The following ROS1 variants were observed in gnomAD, a reference collection of about 807,000 sequenced individuals.
ROS1 encodes the protein ROS proto-oncogene 1, receptor tyrosine kinase.
Under a neutral mutation model 273.5 loss-of-function variants are expected in ROS1, and 263 were observed. The ratio of observed to expected loss-of-function variants is 0.96; its 90% CI spans 0.87 to 1.06. The LOEUF is 1.06. Among genes scored for constraint, ROS1 ranks in the 50% least tolerant of loss-of-function variants. The pLI is 0.00. For synonymous variants in ROS1, 1,008 were observed against 954.1 expected, an observed-to-expected ratio of 1.06 and a Z score of -1.04; for missense variants, 2,833 against 2,751.1, an observed-to-expected ratio of 1.03 and a Z score of -0.67.
At chr6:117,291,133 C>T (rs930962079) in intron 43 of ROS1, among the ~76,000 whole-genome samples, 1 of 152,062 alleles carries the variant, frequency 6.6e-6, no homozygotes, top group Non-Finnish European at 1.5e-5. Context: ...TAGTGATTTC[C>T]ACATCTCTTT....
Position 117,387,807 on chromosome 6 carries a change from G to T in ROS1, c.1972C>A (p.Pro658Thr), listed in dbSNP as rs1234660715. ...SPKRPGPWSE[P>T]SVGTTLVPAS... ...GGCACCAGGGTAGTACCCACTGAGG[G>T]CTCTGACCAGGGGCCTGGCCTCTTT... Residue 658 changes from proline (P) to threonine (T), a missense_variant, in exon 14 of 44, where the codon CCC becomes ACC. By Grantham distance (38) the Pro-to-Thr change is conservative (BLOSUM62 -1). Transcript: ENST00000368507. 6.2e-7 allele frequency: 1 copy of T among 1,614,098 alleles called. No individual in the cohort carries two copies.
chr6:117,343,975 T>C (rs777876819), intron 28 of ROS1, 85 bp downstream of exon 28: 21 of 1,161,262 alleles, frequency 1.8e-5, no homozygotes, highest in Admixed American at 5.9e-5. Context: ...TCAGAACATA[T>C]AGGAAATACT....
chr6:117,389,017 A>C (rs112330459), intron 13 of ROS1, among the ~76,000 whole-genome samples: 86 of 152,298 alleles, frequency 5.6e-4, no homozygotes, highest in African/African-American at 1.8e-3. Context: ...AATTCATGCA[A>C]GCTTTCAACA....
Position 117,326,423 on chromosome 6 carries a change from A to T in ROS1, c.5349-9T>A, listed in dbSNP as rs934701266. 4 of 1,467,546 alleles carry T rather than the reference A, an allele frequency of 2.7e-6. No homozygotes were observed. Among genetic ancestry groups the T allele is most frequent in the Non-Finnish European group, 3.7e-6 (4 of 1,090,224 alleles). 90.9% of individuals were successfully genotyped at this position (1,467,546 alleles called of 1,614,324 possible). A position where few individuals can be genotyped will look rare whatever the true frequency, so the allele number is the denominator to read the frequency against. ...TATTTGAAGTGCTCTTTCTGCAAAA[A>T]ATAATAAATACAGAAAATATACATG... On this transcript the variant is annotated splice_polypyrimidine_tract_variant and intron_variant, in intron 33 of 43. Transcript: ENST00000368507.
At chr6:117,300,517 C>T (rs1212731510) in intron 43 of ROS1, among the ~76,000 whole-genome samples, 1 of 151,898 alleles carries the variant, frequency 6.6e-6, no homozygotes, top group Admixed American at 6.6e-5. Context: ...GAATAGTTGC[C>T]TGACAGGGAG....
intron 33 of ROS1, among the ~76,000 whole-genome samples, chr6:117,327,321 GA>G (rs1776711290): frequency 6.6e-6 from 1 of 152,140 alleles, no homozygotes; most frequent in Non-Finnish European, 1.5e-5. Flanking sequence ...TCCCTTTAAG[GA>G]CCATCCTGAG....
At chr6:117,320,130 T>C in intron 36 of ROS1, 100 bp from the exon 37 acceptor site, 1 of 1,025,382 alleles carries the variant, frequency 9.8e-7, no homozygotes, top group Non-Finnish European at 1.4e-6. Flanking sequence ...GAAAGAAATA[T>C]CTCATGGCTT....
At chr6:117,327,546 C>T (rs1242609454) in intron 33 of ROS1, among the ~76,000 whole-genome samples, 2 of 152,140 alleles carry the variant, frequency 1.3e-5, no homozygotes, top group Admixed American at 6.5e-5. Context: ...TGGGGCTTTA[C>T]ATAACGTTGT....
At chr6:117,311,683 G>A (rs1055986471) in intron 39 of ROS1, among the ~76,000 whole-genome samples, 1 of 152,048 alleles carries the variant, frequency 6.6e-6, no homozygotes, top group African/African-American at 2.4e-5. Flanking sequence ...CGAGCCCCAT[G>A]CAAATTGTTA....
chr6:117,402,181 G>A (rs1439887579), intron 7 of ROS1, among the ~76,000 whole-genome samples: 1 of 152,084 alleles, frequency 6.6e-6, no homozygotes, highest in Non-Finnish European at 1.5e-5. Flanking sequence ...ACTGGGTCTG[G>A]CCCCCATCTC....
chr6:117,309,346 C>T (rs1775360211), intron 41 of ROS1, among the ~76,000 whole-genome samples: 1 of 152,142 alleles, frequency 6.6e-6, no homozygotes, highest in Non-Finnish European at 1.5e-5. Flanking sequence ...CTCTCCCTGA[C>T]TGAATCCCCA....
At chr6:117,300,086 C>CTTTTTTTTTTTTTTTT (rs10700318) in intron 43 of ROS1, among the ~76,000 whole-genome samples, 7 of 31,836 alleles carry the variant, frequency 2.2e-4, no homozygotes, top group Non-Finnish European at 3.7e-4. Context: ...CCAGGACAGG[C>CTTTTTTTTTTTTTTTT]TTTTTTTTTT....
intron 35 of ROS1, among the ~76,000 whole-genome samples, chr6:117,323,400 G>T (rs1303352024): frequency 6.6e-6 from 1 of 152,052 alleles, no homozygotes; most frequent in Non-Finnish European, 1.5e-5. Flanking sequence ...ACTTTCCCTT[G>T]TAACTTACCC....
Position 117,425,788 on chromosome 6 carries a change from G to A in ROS1, c.-132C>T, listed in dbSNP as rs535465585. On this transcript the variant is annotated 5_prime_UTR_variant, in exon 1 of 44. Coordinates refer to ENST00000368507, the MANE Select transcript of ROS1 (RefSeq NM_001378902.1). ...TTGCTTTGTTTGTTTTGCTATATTA[G>A]GATATACTTGCCTTTTGAAATAATA... The A allele has an allele frequency of 4.0e-5, 36 of 909,204 alleles. No homozygotes were observed. The African/African-American group carries it at 6.1e-4, about 15-fold the overall frequency. The allele number at this position is 909,204 out of a possible 1,614,324, so 56.3% of individuals were successfully genotyped here. A position where few individuals can be genotyped will look rare whatever the true frequency, so the allele number is the denominator to read the frequency against.
Position 117,393,228 on chromosome 6 carries a change from T to C in ROS1, c.1285A>G (p.Asn429Asp). ...CTTTACAAGGCTAACACATACCCAT[T>C]GTATGAATCAGCCACAATTTTTTGA... ...APQKIVADSY[N>D]GYVFYLLRDG... The change falls in exon 12 of 44, where the codon AAT (asparagine) becomes GAT (aspartate). Residue 429 changes from asparagine to aspartate, a missense_variant. Asn to Asp is a conservative substitution (Grantham distance 23, BLOSUM62 1). Coordinates refer to ENST00000368507, the MANE Select transcript of ROS1 (RefSeq NM_001378902.1). The C allele has an allele frequency of 6.4e-7, 1 of 1,554,816 alleles. No individual in the cohort carries two copies. Among genetic ancestry groups the C allele is most frequent in the Middle Eastern group, 1.7e-4 (1 of 5,942 alleles).
chr6:117,407,296 G>A (rs1253817413), intron 5 of ROS1, among the ~76,000 whole-genome samples: 2 of 152,056 alleles, frequency 1.3e-5, no homozygotes, highest in African/African-American at 4.8e-5. Context: ...GTGGGAGGAT[G>A]CCCTAGGGAA....
chr6:117,311,271 A>G (rs949081219), intron 39 of ROS1, among the ~76,000 whole-genome samples, 154 bp from the exon 40 acceptor site: 1 of 152,176 alleles, frequency 6.6e-6, no homozygotes, highest in African/African-American at 2.4e-5. Flanking sequence ...AAGAATTCAA[A>G]CAAAGAGGAA....
intron 27 of ROS1, among the ~76,000 whole-genome samples, chr6:117,350,505 A>C (rs1375507090): frequency 1.3e-5 from 2 of 151,850 alleles, no homozygotes; most frequent in East Asian, 3.9e-4. Flanking sequence ...TGAGCTTCCC[A>C]TACCTGTAGT....
chr6:117,418,840 G>A (rs1283273912), intron 1 of ROS1, among the ~76,000 whole-genome samples: 1 of 152,176 alleles, frequency 6.6e-6, no homozygotes, highest in Non-Finnish European at 1.5e-5. Context: ...GTGATGAACT[G>A]TGTTCAGACT....
Sources: allele counts gnomAD v4.1 joint callset (sites outside exome capture counted in the v4.1 genomes callset), GRCh38; gene constraint gnomAD v4.1.1; transcripts MANE v1.5; gene names NCBI Gene and HGNC (gene_info 2026-07-23, HGNC 2026-07-21).